GPHN: variants seen among roughly 807,000 people sequenced by gnomAD.
The protein encoded by GPHN is gephyrin.
A neutral mutation model predicts 95.5 loss-of-function variants in GPHN; 17 were observed. The ratio of observed to expected loss-of-function variants is 0.18; its 90% confidence interval spans 0.12 to 0.27. The LOEUF is 0.27. Among genes scored for constraint, GPHN ranks in the 10% least tolerant of loss-of-function variants. GPHN has a pLI of 1.00. For synonymous variants in GPHN, 320 were observed against 322.5 expected (o/e 0.99, Z 0.08); for missense variants, 660 against 978.1 (o/e 0.67, Z 4.34).
At chr14:67,305,033 A>G in the GPHN span, among the ~76,000 whole-genome samples, 2 of 152,162 alleles carry the variant, frequency 1.3e-5, no homozygotes, top group Admixed American at 6.5e-5. Flanking sequence ...CTTTATGTTT[A>G]CAGTTTTTTT....
the GPHN span, among the ~76,000 whole-genome samples, chr14:67,507,370 C>CA: frequency 6.6e-6 from 1 of 151,020 alleles, no homozygotes; most frequent in Non-Finnish European, 1.5e-5. Flanking sequence ...AAAACAAAAA[C>CA]AAAAAAACAT....
chr14:67,334,539 T>G, the GPHN span: 2,899 of 152,764 alleles, frequency 0.019, 37 homozygotes, highest in Middle Eastern at 0.034. Context: ...TTTTTTTTCT[T>G]CTACATAATT....
chr14:66,947,477 A>ATT (rs2067833225), intron 8 of GPHN, among the ~76,000 whole-genome samples: 2 of 152,182 alleles, frequency 1.3e-5, no homozygotes, highest in Admixed American at 6.5e-5. Context: ...CATCTCTTTT[A>ATT]TTCATATGGT....
At position 66,579,984 on chromosome 14, in the gene GPHN, C is replaced by G. The variant is rs150410683; in HGVS notation, c.64+71393C>G. Among the ~76,000 whole-genome samples, 5 of 151,824 alleles carry G rather than the reference C, an allele frequency of 3.3e-5. No individual in the cohort carries two copies. In the East Asian group the frequency reaches 7.7e-4, roughly 23 times the overall value. On this transcript the variant is annotated intron_variant, in intron 1 of 22. Coordinates refer to ENST00000478722, the MANE Select transcript of GPHN (RefSeq NM_020806.5). The stretch of plus-strand genomic sequence containing the variant: ...TACCACGTTAGTCTAGAAAACAAAT[C>G]GTAACACATTTAAGAGGATTTAAGT...
chr14:66,637,861 A>G (rs1264441553), intron 1 of GPHN, among the ~76,000 whole-genome samples: 1 of 152,170 alleles, frequency 6.6e-6, no homozygotes, highest in East Asian at 1.9e-4. Context: ...CCTCAGTACA[A>G]CACCAAGGTC....
intron 9 of GPHN, among the ~76,000 whole-genome samples, chr14:67,022,477 A>G (rs765944154): frequency 1.4e-5 from 2 of 145,380 alleles, no homozygotes; most frequent in African/African-American, 2.5e-5. Flanking sequence ...TCCTTCTAGT[A>G]TGTTTAAAAC....
At chr14:66,751,661 A>G (rs1390970182) in intron 2 of GPHN, among the ~76,000 whole-genome samples, 12 of 152,084 alleles carry the variant, frequency 7.9e-5, no homozygotes. Context: ...TTCTGTTGAT[A>G]GTTTCTTTTG....
chr14:66,622,986 G>C (rs1216594563), intron 1 of GPHN, among the ~76,000 whole-genome samples: 1 of 151,958 alleles, frequency 6.6e-6, no homozygotes, highest in Non-Finnish European at 1.5e-5. Flanking sequence ...CATTCTACTG[G>C]TACCAATTTA....
chr14:67,656,849 ATACT>A, the GPHN span, among the ~76,000 whole-genome samples: 4 of 152,210 alleles, frequency 2.6e-5, no homozygotes, highest in Non-Finnish European at 5.9e-5. Flanking sequence ...TGGATTAAAA[ATACT>A]GGAGCACTTT....
intron 1 of GPHN, among the ~76,000 whole-genome samples, chr14:66,537,217 T>C (rs1357516100): frequency 6.6e-6 from 1 of 152,144 alleles, no homozygotes; most frequent in African/African-American, 2.4e-5. Flanking sequence ...TTAGTTGTAA[T>C]AGGTATTCTA....
At chr14:66,717,264 T>C (rs192155807) in intron 2 of GPHN, among the ~76,000 whole-genome samples, 8 of 152,310 alleles carry the variant, frequency 5.3e-5, no homozygotes, top group Non-Finnish European at 1.5e-5. Flanking sequence ...CTGAATTTCT[T>C]TCTTCTACTT....
At chr14:66,653,676 A>AAAG (rs2065165782) in intron 1 of GPHN, among the ~76,000 whole-genome samples, 1 of 152,216 alleles carries the variant, frequency 6.6e-6, no homozygotes, top group Admixed American at 6.5e-5. Context: ...ATATAAGTGG[A>AAAG]ATCACACCAC....
chr14:67,392,619 A>C, the GPHN span: 4 of 1,558,008 alleles, frequency 2.6e-6, no homozygotes, highest in African/African-American at 5.4e-5. Context: ...TGTCTTCCTT[A>C]ACTTTTGCCC....
At chr14:66,896,397 T>TAA (rs1012856831) in intron 5 of GPHN, among the ~76,000 whole-genome samples, 12 of 152,086 alleles carry the variant, frequency 7.9e-5, no homozygotes, top group African/African-American at 2.9e-4. Flanking sequence ...GGTGGGCTGA[T>TAA]CACTTGAGTC....
chr14:67,243,391 T>A, the GPHN span, among the ~76,000 whole-genome samples: 5 of 152,046 alleles, frequency 3.3e-5, no homozygotes, highest in South Asian at 1.0e-3. Context: ...TTTCACCATG[T>A]TGGCCAGGCT....
At chr14:67,374,634 A>T in the GPHN span, 1 of 844,650 alleles carries the variant, frequency 1.2e-6, no homozygotes, top group Non-Finnish European at 1.8e-6. Context: ...CTACTACCTT[A>T]AAGTATTGCT....
At chr14:67,403,140 TG>T in the GPHN span, among the ~76,000 whole-genome samples, 3 of 152,242 alleles carry the variant, frequency 2.0e-5, no homozygotes, top group Non-Finnish European at 4.4e-5. Context: ...GATATCCCAT[TG>T]TAGTTTTGAT....
the GPHN span, among the ~76,000 whole-genome samples, chr14:67,673,044 C>A: frequency 6.6e-6 from 1 of 152,236 alleles, no homozygotes; most frequent in Non-Finnish European, 1.5e-5. Context: ...TCATTTAAGT[C>A]TCTGTTCAAA....
chr14:67,344,267 T>G, the GPHN span, among the ~76,000 whole-genome samples: 112 of 152,210 alleles, frequency 7.4e-4, 2 homozygotes, highest in Admixed American at 4.8e-3. Flanking sequence ...ATAAAAGCCT[T>G]CCAACTTGTA....
Sources: gnomAD v4.1 joint callset for allele counts (sites outside exome capture counted in the v4.1 genomes callset) on GRCh38, gnomAD v4.1.1 for gene constraint, MANE v1.5 for transcripts, NCBI Gene and HGNC (gene_info 2026-07-23, HGNC 2026-07-21) for gene names.